MYH7B: variants seen among roughly 807,000 people sequenced by gnomAD.
The protein encoded by MYH7B is myosin-7B.
A neutral mutation model predicts 234.5 loss-of-function variants in MYH7B; 205 were observed. The ratio of observed to expected loss-of-function variants is 0.87; its 90% confidence interval spans 0.78 to 0.98. The LOEUF is 0.98. Among genes scored for constraint, MYH7B ranks in the 50% least tolerant of loss-of-function variants. MYH7B has a pLI of 0.00. For synonymous variants in MYH7B, 1,193 were observed against 1,105.0 expected (o/e 1.08, Z -1.58); for missense variants, 2,652 against 2,633.4 (o/e 1.01, Z -0.15).
intron 6 of MYH7B, 29 bp from the exon 7 acceptor site, chr20:34,979,632 C>G: frequency 6.2e-7 from 1 of 1,613,658 alleles, no homozygotes; most frequent in Non-Finnish European, 8.5e-7. Context: ...CTCCCGGTCC[C>G]CCGGCCCCTG....
chr20:34,982,667 CT>C, intron 10 of MYH7B, 112 bp downstream of exon 10: 1 of 935,738 alleles, frequency 1.1e-6, no homozygotes, highest in South Asian at 1.8e-5. Context: ...CCCCAGAACC[CT>C]GAGCCCTGCC....
At chr20:34,995,173 A>T (rs2082230703) in intron 27 of MYH7B, among the ~76,000 whole-genome samples, 163 bp from the exon 28 acceptor site, 1 of 152,102 alleles carries the variant, frequency 6.6e-6, no homozygotes, top group Non-Finnish European at 1.5e-5. Flanking sequence ...CCTCTGCGCT[A>T]TTGCCCTTCC....
At position 34,995,329 on chromosome 20, in the gene MYH7B, C is replaced by G. The variant is rs1324920330; in HGVS notation, c.2701-7C>G. On this transcript the variant is annotated splice_polypyrimidine_tract_variant and splice_region_variant and intron_variant, in intron 27 of 44. Coordinates refer to ENST00000262873, the Ensembl canonical transcript of MYH7B. ...CCCAACCTGGCCCCGTTCCGTGTGC[C>G]CTCCAGGAGCAGGACAACCTGGCAG... 1 of 1,610,266 alleles carries G rather than the reference C, an allele frequency of 6.2e-7. No homozygotes were observed. Among genetic ancestry groups the G allele is most frequent in the Non-Finnish European group, 8.5e-7 (1 of 1,178,036 alleles).
At chr20:34,983,243 T>C (rs2081964593) in intron 10 of MYH7B, among the ~76,000 whole-genome samples, 3 of 148,020 alleles carry the variant, frequency 2.0e-5, no homozygotes, top group Admixed American at 6.7e-5. Flanking sequence ...GTTTTTCCCC[T>C]GTTTTCTTTC....
Position 34,995,510 on chromosome 20 carries a change from A to G in MYH7B, c.2875A>G (p.Lys959Glu). 2 of 1,614,176 alleles carry G rather than the reference A, an allele frequency of 1.2e-6. No homozygotes were observed. The highest frequency in any genetic ancestry group is 1.7e-6 in the Non-Finnish European group (2 of 1,180,036). Reference sequence around the variant, plus strand: ...GGAGGACGAGTGCACGGAGCTCAAGAAGGACATTGATGACCTGGAGCTGAC... The same window carrying G: ...GGAGGACGAGTGCACGGAGCTCAAGGAGGACATTGATGACCTGGAGCTGAC... Residue 959 changes from lysine to glutamate, a missense_variant, in exon 28 of 45, where the codon AAG becomes GAG. Lys to Glu is a moderately conservative substitution (Grantham distance 56). Transcript: ENST00000262873.
chr20:34,974,914 G>A (rs1253655105), intron 2 of MYH7B, among the ~76,000 whole-genome samples: 1 of 152,184 alleles, frequency 6.6e-6, no homozygotes, highest in Non-Finnish European at 1.5e-5. Flanking sequence ...AGTGGCAGGA[G>A]GTAGGCAAGG....
chr20:34,992,202 G>A (rs566253194), intron 24 of MYH7B, among the ~76,000 whole-genome samples: 13 of 152,172 alleles, frequency 8.5e-5, no homozygotes, highest in African/African-American at 2.4e-4. Flanking sequence ...TGGCTAACAC[G>A]GTGAAACCCC....
chr20:34,970,228 G>A (rs1003895414), intron 2 of MYH7B, among the ~76,000 whole-genome samples: 3 of 152,172 alleles, frequency 2.0e-5, no homozygotes, highest in Non-Finnish European at 4.4e-5. Flanking sequence ...CCAGGCTGAG[G>A]CTGGGCTACT....
chr20:34,971,889 C>T (rs539637950), intron 2 of MYH7B, among the ~76,000 whole-genome samples: 1 of 152,352 alleles, frequency 6.6e-6, no homozygotes, highest in African/African-American at 2.4e-5. Context: ...CTTCACAGTC[C>T]AGCCCACTAC....
intron 24 of MYH7B, 94 bp from the exon 25 acceptor site, chr20:34,993,008 C>T (rs188678783): frequency 9.5e-6 from 14 of 1,481,382 alleles, no homozygotes; most frequent in Non-Finnish European, 1.3e-5. Context: ...CCCTGCTACC[C>T]ACACGAGCCT....
chr20:34,979,413 G>C, exon 6 of MYH7B: 3 of 1,613,748 alleles, frequency 1.9e-6, no homozygotes, highest in Non-Finnish European at 8.5e-7. Flanking sequence ...CTGGGTGCCT[G>C]ATGAACAGGA....
chr20:34,988,065 G>C, intron 18 of MYH7B, 27 bp from the exon 19 acceptor site: 1 of 1,600,470 alleles, frequency 6.2e-7, no homozygotes, highest in East Asian at 2.2e-5. Context: ...CGAGAGGTCT[G>C]CTGAGCCAGG....
In MYH7B at chr20:34,979,769, A is replaced by AT; in HGVS notation, c.307_308insT (p.Asn103IlefsTer81). The AT allele has an allele frequency of 6.2e-7, 1 of 1,614,070 alleles. No individual in the cohort carries two copies. Among genetic ancestry groups the AT allele is most frequent in the Non-Finnish European group, 8.5e-7 (1 of 1,179,994 alleles). ...CCTGAACGAGGCCTCTGTGCTGCACAACCTGCGCCAGCGCTATGCCCGCTG... is the reference window on the plus strand; with the variant it reads ...CCTGAACGAGGCCTCTGTGCTGCACATACCTGCGCCAGCGCTATGCCCGCTG... On this transcript the variant is annotated frameshift_variant, in exon 7 of 45. Transcript: ENST00000262873. LOFTEE classifies it high-confidence loss of function.
intron 26 of MYH7B, among the ~76,000 whole-genome samples, chr20:34,993,733 G>A (rs937772143): frequency 2.6e-5 from 4 of 152,222 alleles, no homozygotes; most frequent in Admixed American, 6.5e-5. Context: ...AGACTCTTGC[G>A]GGCCGGGCCC....
exon 39 of MYH7B, chr20:35,000,593 G>T: frequency 6.4e-7 from 1 of 1,568,610 alleles, no homozygotes; most frequent in East Asian, 2.3e-5. Context: ...AGCTGGAGGA[G>T]CTGCGGGCTG....
chr20:34,988,397 C>G (rs1203341849), intron 19 of MYH7B, 135 bp downstream of exon 19: 2 of 997,008 alleles, frequency 2.0e-6, no homozygotes, highest in Admixed American at 5.4e-5. Flanking sequence ...AGTAAGCATG[C>G]ATGTGAGTGT....
intron 2 of MYH7B, among the ~76,000 whole-genome samples, chr20:34,962,534 C>G (rs530904626): frequency 5.0e-4 from 76 of 152,284 alleles, no homozygotes; most frequent in African/African-American, 1.8e-3. Context: ...TTCATATATG[C>G]TTAAGTCCCT....
chr20:34,995,354 G>C lies in MYH7B; in HGVS notation c.2719G>C (p.Asp907His), dbSNP rs1600462474. Residue 907 changes from aspartate to histidine, a missense_variant, in exon 28 of 45, where the codon GAT becomes CAT. Physicochemically the swap from Asp to His is moderately conservative, Grantham distance 81. Coordinates refer to ENST00000262873, the Ensembl canonical transcript of MYH7B. ...CCTCCAGGAGCAGGACAACCTGGCA[G>C]ATGCCGAGGAGCGCTGCCACTTGCT... 1 of 1,613,306 alleles carries C rather than the reference G, an allele frequency of 6.2e-7. No homozygotes were observed. The highest frequency in any genetic ancestry group is 8.5e-7 in the Non-Finnish European group (1 of 1,179,812).
intron 22 of MYH7B, chr20:34,990,532 G>T (rs772776633): frequency 1.2e-6 from 1 of 822,000 alleles, no homozygotes; most frequent in South Asian, 1.4e-5. Context: ...GGGGCTCTGG[G>T]AGGGACGGGG....
Sources: allele counts gnomAD v4.1 joint callset (sites outside exome capture counted in the v4.1 genomes callset), GRCh38; gene constraint gnomAD v4.1.1; transcripts MANE v1.5; gene names NCBI Gene and HGNC (gene_info 2026-07-23, HGNC 2026-07-21).